Variants in SYNE2 observed in about 807,000 individuals in gnomAD.
SYNE2 encodes the protein nesprin-2.
In SYNE2, 431 loss-of-function variants were observed where a neutral mutation model predicts 856.3. That is an observed-to-expected ratio of 0.50 (90% CI 0.47 to 0.55). SYNE2 has a LOEUF of 0.55. Ranked by LOEUF, SYNE2 falls within the 20% of genes least tolerant of loss-of-function variation. The pLI, the probability that SYNE2 is intolerant of heterozygous loss-of-function variation, is 0.00. For missense variants in SYNE2, 8,129 were observed against 8,023.2 expected (o/e 1.01, Z -0.50); for synonymous variants, 2,923 against 2,872.3 (o/e 1.02, Z -0.56).
Position 63,990,509 on chromosome 14 carries a change from T to G in SYNE2, c.2412T>G (p.Phe804Leu). Reference sequence around the variant, plus strand: ...AAAATATTTCAAGCCAGGAGTCCTTTCAACATGTTCTCACAACTGGGCTTC... The same window carrying G: ...AAAATATTTCAAGCCAGGAGTCCTTGCAACATGTTCTCACAACTGGGCTTC... ...DIQNISSQESFQHVLTTGLQA... is the reference protein window; with the variant it reads ...DIQNISSQESLQHVLTTGLQA... The change falls in exon 20 of 116, where the codon TTT (phenylalanine) becomes TTG (leucine). Residue 804 changes from phenylalanine to leucine, a missense_variant. By Grantham distance (22) the Phe-to-Leu change is conservative (BLOSUM62 0). This residue lies in a region of SYNE2 where 2,422 missense variants were observed against 2,357.4 expected (regional missense o/e 1.03). Coordinates refer to ENST00000555002, the MANE Select transcript of SYNE2 (RefSeq NM_182914.3). The G allele has an allele frequency of 6.2e-7, 1 of 1,613,970 alleles. No homozygotes were observed.
chr14:64,100,526 AAAAAAATATATATAT>A lies in SYNE2; in HGVS notation c.12382-1404_12382-1390del, dbSNP rs1485449833. On this transcript the variant is annotated intron_variant, in intron 63 of 115. Transcript: ENST00000555002. ...AGCAAAACTGTCTCAAAAAAAAAAA[AAAAAAATATATATAT>A]ATATATATATATATATATATATATA... is the stretch of plus-strand genomic sequence containing the variant. 1.6e-3 allele frequency among the ~76,000 whole-genome samples: 119 copies of A among 76,300 alleles called. 2 individuals are homozygous for A. Among genetic ancestry groups the A allele is most frequent in the South Asian group, 9.2e-3 (19 of 2,064 alleles). 50.1% of individuals were successfully genotyped at this position (76,300 alleles called of 152,430 possible). A position where few individuals can be genotyped will look rare whatever the true frequency, so the allele number is the denominator to read the frequency against.
chr14:64,137,598 C>T (rs964009494), intron 78 of SYNE2, among the ~76,000 whole-genome samples, 189 bp from the exon 79 acceptor site: 1 of 152,162 alleles, frequency 6.6e-6, no homozygotes, highest in Non-Finnish European at 1.5e-5. Context: ...CAAGATTGGA[C>T]ACCTATCATG....
intron 114 of SYNE2, 112 bp from the exon 115 acceptor site, chr14:64,224,887 T>C: frequency 9.8e-7 from 1 of 1,018,534 alleles, no homozygotes; most frequent in Non-Finnish European, 1.5e-6. Context: ...AAAGTTTGGC[T>C]GTAACACAAC....
intron 1 of SYNE2, among the ~76,000 whole-genome samples, chr14:63,870,842 C>A (rs898110661): frequency 1.3e-5 from 2 of 152,140 alleles, no homozygotes; most frequent in Non-Finnish European, 2.9e-5. Context: ...AAGATCAACA[C>A]CCCAGGAAAT....
intron 1 of SYNE2, among the ~76,000 whole-genome samples, chr14:63,834,235 T>C (rs1167154969): frequency 6.6e-6 from 1 of 152,114 alleles, no homozygotes; most frequent in Non-Finnish European, 1.5e-5. Flanking sequence ...TGGGGGCACA[T>C]ACCTGTAATC....
At chr14:64,216,567 A>C (rs926873314) in intron 108 of SYNE2, 180 bp downstream of exon 108, 1 of 736,254 alleles carries the variant, frequency 1.4e-6, no homozygotes, top group African/African-American at 1.7e-5. Flanking sequence ...CCCCGGCAAA[A>C]CCGATTAGAC....
In SYNE2 at chr14:64,052,067, A is replaced by T; in HGVS notation, c.8154A>T (p.Pro2718=). ...NLKKQWETLE[P]LHLEAENQIK... Reference sequence around the variant, plus strand: ...AGAAACAATGGGAAACATTGGAGCCATTACACTTAGAAGCAGAAAATCAGA... The same window carrying T: ...AGAAACAATGGGAAACATTGGAGCCTTTACACTTAGAAGCAGAAAATCAGA... The change falls in exon 48 of 116, where the codon CCA becomes CCT. Residue 2718 remains proline, a synonymous_variant. Coordinates refer to ENST00000555002, the MANE Select transcript of SYNE2 (RefSeq NM_182914.3). 1.2e-6 allele frequency: 2 copies of T among 1,614,250 alleles called. No homozygotes were observed. The highest frequency in any genetic ancestry group is 3.3e-5 in the Admixed American group (2 of 60,032).
At chr14:64,064,103 G>A (rs1267527998) in intron 50 of SYNE2, among the ~76,000 whole-genome samples, 1 of 152,150 alleles carries the variant, frequency 6.6e-6, no homozygotes, top group East Asian at 1.9e-4. Flanking sequence ...TACAATGCCT[G>A]GGTGATGAAA....
chr14:63,781,075 G>A (rs1887286692), intron 1 of SYNE2, among the ~76,000 whole-genome samples: 1 of 152,216 alleles, frequency 6.6e-6, no homozygotes, highest in African/African-American at 2.4e-5. Context: ...TCAGGAATTC[G>A]AGACCAGCCT....
intron 2 of SYNE2, among the ~76,000 whole-genome samples, chr14:63,910,177 G>A (rs1456974201): frequency 2.6e-5 from 4 of 152,156 alleles, no homozygotes; most frequent in African/African-American, 9.7e-5. Flanking sequence ...GTATTATGCA[G>A]CATTTTTAGA....
rs74827725 is a variant in SYNE2 at position 64,071,592 on chromosome 14, T to G, written c.10697+682T>G. Among the ~76,000 whole-genome samples the G allele has an allele frequency of 1.8e-4, 27 of 152,332 alleles. No individual in the cohort carries two copies. The East Asian group carries it at 5.0e-3, about 28-fold the overall frequency. ...GCAATAACCACTGCCAATCATTTTT[T>G]CTCCTTTTTTACTATGATTTTGTTT... On this transcript the variant is annotated intron_variant, in intron 52 of 115. Transcript: ENST00000555002.
intron 19 of SYNE2, among the ~76,000 whole-genome samples, chr14:63,988,298 G>GAACCCTAACCCT (rs2096640965): frequency 6.6e-6 from 1 of 152,182 alleles, no homozygotes; most frequent in East Asian, 1.9e-4. Context: ...GGCAGGCCTT[G>GAACCCTAACCCT]AACTCCTGGG....
At chr14:64,133,340 A>G (rs1178267439) in intron 77 of SYNE2, among the ~76,000 whole-genome samples, 3 of 152,202 alleles carry the variant, frequency 2.0e-5, no homozygotes, top group Admixed American at 6.5e-5. Context: ...ATTTTTTAAA[A>G]AAGACTCCAT....
chr14:64,175,145 T>G lies in SYNE2; in HGVS notation c.17430+7T>G. 1 of 1,613,800 alleles carries G rather than the reference T, an allele frequency of 6.2e-7. No individual in the cohort carries two copies. The highest frequency in any genetic ancestry group is 8.5e-7 in the Non-Finnish European group (1 of 1,179,774). On this transcript the variant is annotated splice_region_variant and intron_variant, in intron 95 of 115. Transcript: ENST00000555002. The stretch of plus-strand genomic sequence containing the variant: ...GTTCCAGAGCACTGTAGAGGTAAAC[T>G]CACCACTTACTTTTCCATTCATGAT...
intron 1 of SYNE2, chr14:63,873,281 G>A (rs1052204756): frequency 1.4e-5 from 2 of 144,898 alleles, no homozygotes; most frequent in South Asian, 2.4e-4. Context: ...TCTTTATTTA[G>A]AATGGATATG....
intron 26 of SYNE2, 47 bp downstream of exon 26, chr14:63,998,375 A>C: frequency 7.9e-7 from 1 of 1,264,468 alleles, no homozygotes; most frequent in Non-Finnish European, 1.2e-6. Context: ...GAAGTCTTTC[A>C]TCGATGCAAA....
At chr14:63,778,438 A>T (rs963811766) in intron 1 of SYNE2, among the ~76,000 whole-genome samples, 11 of 152,308 alleles carry the variant, frequency 7.2e-5, no homozygotes, top group Admixed American at 2.6e-4. Context: ...ATTTAACACT[A>T]TATGCATATG....
intron 2 of SYNE2, among the ~76,000 whole-genome samples, chr14:63,923,027 A>T (rs980881810): frequency 1.3e-5 from 2 of 152,222 alleles, no homozygotes; most frequent in African/African-American, 4.8e-5. Flanking sequence ...TTCAAAAGAA[A>T]AGTGTTCAGT....
chr14:64,004,269 C>T (rs1020074965), intron 30 of SYNE2, among the ~76,000 whole-genome samples: 1 of 150,038 alleles, frequency 6.7e-6, no homozygotes, highest in Non-Finnish European at 1.5e-5. Flanking sequence ...CTCTCGACCT[C>T]GTGATCCACC....
Sources: gnomAD v4.1 joint callset for allele counts (sites outside exome capture counted in the v4.1 genomes callset) on GRCh38, gnomAD v4.1.1 for gene constraint, gnomAD v4.1.1 regional missense constraint, MANE v1.5 for transcripts, NCBI Gene and HGNC (gene_info 2026-07-23, HGNC 2026-07-21) for gene names.